Variants in MROH2A observed in about 807,000 individuals in gnomAD.
The protein encoded by MROH2A is maestro heat-like repeat-containing protein family member 2A.
A neutral mutation model predicts 200.4 loss-of-function variants in MROH2A; 174 were observed. The ratio of observed to expected loss-of-function variants is 0.87; its 90% CI spans 0.77 to 0.98. The LOEUF is 0.98. Ranked by LOEUF, MROH2A falls within the 50% of genes least tolerant of loss-of-function variation. The probability of loss-of-function intolerance (pLI) is 0.00; values close to 1 mark genes in which losing one functional copy is unlikely to be tolerated. For missense variants in MROH2A, 2,045 were observed against 2,139.6 expected (o/e 0.96, Z 0.87); for synonymous variants, 829 against 840.4 (o/e 0.99, Z 0.23).
rs748136980 is a variant in MROH2A, at chr2:233,831,486, T to C, written c.4680T>C (p.Asp1560=). 62 of 1,550,376 alleles carry C rather than the reference T, an allele frequency of 4.0e-5. No individual in the cohort carries two copies. Among genetic ancestry groups the C allele is most frequent in the Non-Finnish European group, 5.1e-5 (58 of 1,146,972 alleles). ...TGGAGCATCCCTCAGGGCCAAGTGA[T>C]ACCGCTACTGATGACAAGATGACCG... The part of the protein sequence containing the change: ...KSLEHPSGPS[D]TATDDKMTVF... The change falls in exon 39 of 42, where the codon GAT becomes GAC. Residue 1560 remains aspartate, a synonymous_variant. Transcript: ENST00000389758.
intron 15 of MROH2A, 159 bp downstream of exon 15, chr2:233,802,474 A>G (rs1702534252): frequency 2.6e-6 from 2 of 782,778 alleles, no homozygotes; most frequent in Non-Finnish European, 4.0e-6. Flanking sequence ...CTGGATATTA[A>G]TGCCTACCTG....
intron 35 of MROH2A, among the ~76,000 whole-genome samples, chr2:233,823,952 C>A (rs1462561492): frequency 6.6e-6 from 1 of 152,128 alleles, no homozygotes; most frequent in East Asian, 1.9e-4. Flanking sequence ...CCTGGGTTCT[C>A]GCTGGGGCAG....
intron 28 of MROH2A, 105 bp downstream of exon 28, chr2:233,818,230 G>T: frequency 7.3e-7 from 1 of 1,377,872 alleles, no homozygotes; most frequent in South Asian, 1.4e-5. Flanking sequence ...TGGCCTCTGT[G>T]CAGGCAGGCA....
Position 233,828,886 on chromosome 2 carries a change from C to T in MROH2A, c.4264-4C>T, listed in dbSNP as rs1373129034. ...CAGGCTGAGGGCTGCCCATGCCCCT[C>T]CAGGTGAAGCAGTACCGGAAGGTCT... On this transcript the variant is annotated splice_region_variant and splice_polypyrimidine_tract_variant and intron_variant, in intron 36 of 41. Coordinates refer to ENST00000389758, the MANE Select transcript of MROH2A (RefSeq NM_001394639.1). This position sits in a 1 kb window ranked among gnomAD's most constrained non-coding sequence, Gnocchi z 4.6. 2 of 1,550,394 alleles carry T rather than the reference C, an allele frequency of 1.3e-6. No homozygotes were observed. Among genetic ancestry groups the T allele is most frequent in the South Asian group, 1.2e-5 (1 of 84,060 alleles).
intron 34 of MROH2A, among the ~76,000 whole-genome samples, chr2:233,823,310 T>C (rs1471874856): frequency 6.6e-6 from 1 of 152,210 alleles, no homozygotes; most frequent in Non-Finnish European, 1.5e-5. Context: ...TCTGGGGTCC[T>C]AGTCACTCCG....
chr2:233,832,464 G>C, intron 40 of MROH2A, 115 bp from the exon 41 acceptor site: 1 of 1,018,686 alleles, frequency 9.8e-7, no homozygotes, highest in Non-Finnish European at 1.5e-6. Flanking sequence ...TGCCAACGTG[G>C]GCTCAACAAA....
At chr2:233,821,453 G>C (rs995249616) in intron 31 of MROH2A, among the ~76,000 whole-genome samples, 4 of 152,166 alleles carry the variant, frequency 2.6e-5, no homozygotes, top group Non-Finnish European at 5.9e-5. Context: ...GGTTTTGTGG[G>C]TTCCAATAGT....
rs1559450575 is a variant in MROH2A at position 233,796,325 on chromosome 2, AGGGTGGGTGGGGTGGGCG to A, written c.1252+16_1252+33del. The A allele has an allele frequency of 1.2e-4, 2 of 16,120 alleles. No homozygotes were observed. The highest frequency in any genetic ancestry group is 2.2e-3 in the East Asian group (1 of 446). 1.0% of individuals were successfully genotyped at this position (16,120 alleles called of 1,614,324 possible). On this transcript the variant is annotated intron_variant, in intron 11 of 41. Transcript: ENST00000389758. ...AGTGAGCGCAGATGGTGAGCAAGGCAGGGTGGGTGGGGTGGGCGGGGAGGGTGGGGTAGGCAGGGTGGA... is the reference window on the plus strand; with the variant it reads ...AGTGAGCGCAGATGGTGAGCAAGGCAGGGAGGGTGGGGTAGGCAGGGTGGA...
In MROH2A at chr2:233,795,868, G is replaced by A. The variant is rs896295116; in HGVS notation, c.1060-99G>A. ...CTTCCTTTATCCTGATGGGGTATGA[G>A]GCTGTGGTGCCCATGCAGCCCCAGG... On this transcript the variant is annotated intron_variant, in intron 9 of 41. Coordinates refer to ENST00000389758, the MANE Select transcript of MROH2A (RefSeq NM_001394639.1). 3.9e-6 allele frequency: 6 copies of A among 1,535,450 alleles called. No individual in the cohort carries two copies. In the African/African-American group the frequency reaches 5.5e-5, roughly 14 times the overall value.
At chr2:233,787,957 C>CATATATATTATATATATACAT (rs1234238792) in intron 3 of MROH2A, among the ~76,000 whole-genome samples, 1 of 11,202 alleles carries the variant, frequency 8.9e-5, no homozygotes, top group African/African-American at 3.5e-4. Flanking sequence ...ATTATATATA[C>CATATATATTATATATATACAT]ATATATTATA....
rs1491258331 is a variant in MROH2A at position 233,788,145 on chromosome 2, A to ATAC, written c.277-1352_277-1351insTAC. On this transcript the variant is annotated intron_variant, in intron 3 of 41. Coordinates refer to ENST00000389758, the MANE Select transcript of MROH2A (RefSeq NM_001394639.1). Reference sequence around the variant, plus strand: ...ATACATATATATTTTATATATATATAATATATATTTTATATATACATATAC... The same window carrying ATAC: ...ATACATATATATTTTATATATATATATACATATATATTTTATATATACATATAC... 3.6e-3 allele frequency among the ~76,000 whole-genome samples: 389 copies of ATAC among 107,228 alleles called. 1 individual carries two copies. Among genetic ancestry groups the ATAC allele is most frequent in the Non-Finnish European group, 5.6e-3 (315 of 56,356 alleles). 70.3% of individuals were successfully genotyped at this position (107,228 alleles called of 152,430 possible). A position where few individuals can be genotyped will look rare whatever the true frequency, so the allele number is the denominator to read the frequency against.
At chr2:233,830,599 GGGTGGCCCAGGTGGGATGGCCCA>G (rs144999027) in intron 38 of MROH2A, among the ~76,000 whole-genome samples, 54,342 of 151,550 alleles carry the variant, frequency 0.36, 10,838 homozygotes, top group South Asian at 0.58. Context: ...CAGATGGCCT[GGGTGGCCCAGGTGGGATGGCCCA>G]GGTGGCCCAG....
rs149394987 is a variant in MROH2A at position 233,814,488 on chromosome 2, C to T, written c.2761-94C>T. The T allele has an allele frequency of 2.4e-3, 1,971 of 806,536 alleles. 28 individuals are homozygous for T. Among genetic ancestry groups the T allele is most frequent in the Non-Finnish European group, 2.5e-4 (121 of 489,010 alleles). The allele number at this position is 806,536 out of a possible 1,614,324, so 50.0% of individuals were successfully genotyped here. Reference sequence around the variant, plus strand: ...AGACTGAACAGAAGTTAGTGGATGACTGCCAGACCCCTCCCTGGCATGAAC... The same window carrying T: ...AGACTGAACAGAAGTTAGTGGATGATTGCCAGACCCCTCCCTGGCATGAAC... On this transcript the variant is annotated intron_variant, in intron 25 of 41. Coordinates refer to ENST00000389758, the MANE Select transcript of MROH2A (RefSeq NM_001394639.1).
intron 3 of MROH2A, among the ~76,000 whole-genome samples, chr2:233,787,997 A>ATATATACATATAT (rs1559437565): frequency 1.6e-4 from 3 of 18,248 alleles, no homozygotes; most frequent in African/African-American, 3.8e-4. Context: ...TACATATATT[A>ATATATACATATAT]TATATATACA....
At chr2:233,799,756 A>G (rs914056018) in intron 12 of MROH2A, 24 bp from the exon 13 acceptor site, 4 of 1,549,962 alleles carry the variant, frequency 2.6e-6, no homozygotes, top group Non-Finnish European at 3.5e-6. Flanking sequence ...AACCCCCAGC[A>G]TGTCCACGGT....
chr2:233,818,004 C>A lies in MROH2A; in HGVS notation c.2964C>A (p.Ile988=), dbSNP rs1291189275. The change falls in exon 28 of 42, where the codon ATC becomes ATA. Residue 988 remains isoleucine (I), a splice_region_variant and synonymous_variant. Coordinates refer to ENST00000389758, the MANE Select transcript of MROH2A (RefSeq NM_001394639.1). The part of the protein sequence containing the change: ...WIYVHSTAVC[I]HLKLGQFGTM... Reference sequence around the variant, plus strand: ...CCCCACGGTCTCCTGTCCCTCAGATCCACCTAAAGCTGGGGCAGTTTGGCA... The same window carrying A: ...CCCCACGGTCTCCTGTCCCTCAGATACACCTAAAGCTGGGGCAGTTTGGCA... 2.6e-6 allele frequency: 4 copies of A among 1,550,908 alleles called. No individual in the cohort carries two copies. Among genetic ancestry groups the A allele is most frequent in the Non-Finnish European group, 3.5e-6 (4 of 1,147,052 alleles).
intron 11 of MROH2A, 56 bp downstream of exon 11, chr2:233,796,369 G>A: frequency 9.1e-7 from 1 of 1,095,614 alleles, no homozygotes; most frequent in Non-Finnish European, 1.3e-6. Context: ...GCAGGGTGGA[G>A]AACAAGGGAG....
At position 233,795,955 on chromosome 2, in the gene MROH2A, G is replaced by A. The variant is rs565720337; in HGVS notation, c.1060-12G>A. On this transcript the variant is annotated splice_polypyrimidine_tract_variant and intron_variant, in intron 9 of 41. Transcript: ENST00000389758. Reference sequence around the variant, plus strand: ...GTGATCTCCTCCAGCCTCACTGCACGTCCCTCACCAGGTGTGCAACAAGGC... The same window carrying A: ...GTGATCTCCTCCAGCCTCACTGCACATCCCTCACCAGGTGTGCAACAAGGC... The A allele has an allele frequency of 3.4e-5, 52 of 1,550,160 alleles. No individual in the cohort carries two copies. In the East Asian group the frequency reaches 6.1e-4, roughly 18 times the overall value.
intron 21 of MROH2A, 40 bp from the exon 22 acceptor site, chr2:233,809,086 C>T: frequency 3.3e-6 from 5 of 1,530,108 alleles, no homozygotes; most frequent in Non-Finnish European, 3.5e-6. Flanking sequence ...GGAGCAGCCC[C>T]TGCTGCCCCC....
Sources: gnomAD v4.1 joint callset for allele counts (sites outside exome capture counted in the v4.1 genomes callset) on GRCh38, gnomAD v4.1.1 for gene constraint, Gnocchi (gnomAD v3.1) non-coding constraint, MANE v1.5 for transcripts, NCBI Gene and HGNC (gene_info 2026-07-23, HGNC 2026-07-21) for gene names.